SAMD5: variants seen among roughly 807,000 people sequenced by gnomAD.
SAMD5 encodes sterile alpha motif domain-containing protein 5.
A neutral mutation model predicts 11.3 loss-of-function variants in SAMD5; 13 were observed. The ratio of observed to expected loss-of-function variants is 1.15; its 90% CI spans 0.75 to 1.83. SAMD5 has a LOEUF of 1.83. Ranked by LOEUF, SAMD5 falls within the 40% of genes most tolerant of loss-of-function variation. The pLI, the probability that SAMD5 is intolerant of heterozygous loss-of-function variation, is 0.00. For synonymous variants in SAMD5, 129 were observed against 111.3 expected (o/e 1.16, Z -1.00); for missense variants, 255 against 239.1 (o/e 1.07, Z -0.44).
intron 1 of SAMD5, among the ~76,000 whole-genome samples, chr6:147,726,950 T>G (rs187822749): frequency 1.3e-3 from 197 of 152,304 alleles, no homozygotes; most frequent in Non-Finnish European, 9.0e-4. Context: ...TCAGTTGGCC[T>G]CCATAATTCC....
chr6:147,866,640 T>G, the SAMD5 span, among the ~76,000 whole-genome samples: 1 of 152,174 alleles, frequency 6.6e-6, no homozygotes, highest in Non-Finnish European at 1.5e-5. Context: ...AGAAAACAAA[T>G]GTTATGAAAA....
At chr6:147,940,057 G>T in the SAMD5 span, among the ~76,000 whole-genome samples, 2 of 152,050 alleles carry the variant, frequency 1.3e-5, no homozygotes, top group East Asian at 1.9e-4. Flanking sequence ...CACCTGCAAA[G>T]CCCAGAGGTT....
At chr6:147,841,736 A>C in the SAMD5 span, among the ~76,000 whole-genome samples, 1 of 133,424 alleles carries the variant, frequency 7.5e-6, no homozygotes, top group Non-Finnish European at 1.6e-5. Flanking sequence ...GAGTGTGGTA[A>C]AATGGTCCAA....
intron 1 of SAMD5, among the ~76,000 whole-genome samples, chr6:147,599,643 G>A (rs138345699): frequency 6.6e-6 from 1 of 152,216 alleles, no homozygotes; most frequent in Non-Finnish European, 1.5e-5. Flanking sequence ...TTTCTTTCCT[G>A]AGTTAGAATT....
At chr6:147,899,794 A>G in the SAMD5 span, among the ~76,000 whole-genome samples, 2 of 152,232 alleles carry the variant, frequency 1.3e-5, no homozygotes, top group African/African-American at 4.8e-5. Context: ...TACACAGACC[A>G]AAGGCTTGTA....
In SAMD5 at chr6:147,569,836, T is replaced by C; in HGVS notation, c.*5380T>C. On this transcript the variant is annotated 3_prime_UTR_variant, in exon 2 of 2. Transcript: ENST00000367474. ...AATTGAAAGCAGCAGTTTGGTTTTG[T>C]AAATGTAATTGCAATTGACACTTTC... The C allele has an allele frequency of 1.0e-6, 1 of 985,108 alleles. No individual in the cohort carries two copies. Among genetic ancestry groups the C allele is most frequent in the Non-Finnish European group, 1.2e-6 (1 of 829,626 alleles). The allele number at this position is 985,108 out of a possible 1,614,324, so 61.0% of individuals were successfully genotyped here.
chr6:147,730,108 A>C, intron 1 of SAMD5: 3 of 437,332 alleles, frequency 6.9e-6, no homozygotes, highest in Middle Eastern at 3.4e-4. Flanking sequence ...GAAAAAAAGA[A>C]AAGGAAATGG....
intron 1 of SAMD5, among the ~76,000 whole-genome samples, chr6:147,531,257 A>T (rs1234333515): frequency 6.6e-6 from 1 of 151,996 alleles, no homozygotes; most frequent in African/African-American, 2.4e-5. Flanking sequence ...AAAATATTTT[A>T]ATCCTGTTTA....
the SAMD5 span, among the ~76,000 whole-genome samples, chr6:147,771,198 A>G: frequency 6.6e-6 from 1 of 152,226 alleles, no homozygotes; most frequent in African/African-American, 2.4e-5. Flanking sequence ...GCAACTCCAT[A>G]AGAAACACAT....
chr6:147,850,709 A>G, the SAMD5 span, among the ~76,000 whole-genome samples: 5 of 152,126 alleles, frequency 3.3e-5, no homozygotes, highest in African/African-American at 1.2e-4. Flanking sequence ...TACGTTTATA[A>G]CATTCAAATC....
the SAMD5 span, among the ~76,000 whole-genome samples, chr6:147,797,290 T>C: frequency 6.9e-6 from 1 of 145,396 alleles, no homozygotes; most frequent in Admixed American, 6.9e-5. Context: ...GTTGTTGAAT[T>C]TTGTCAAAGG....
In SAMD5 at chr6:147,667,255, T is replaced by A. The variant is rs1790735854; in HGVS notation, c.163-70062T>A. 2.0e-5 allele frequency among the ~76,000 whole-genome samples: 3 copies of A among 152,192 alleles called. No individual in the cohort carries two copies. The South Asian group carries it at 6.2e-4, about 32-fold the overall frequency. On this transcript the variant is annotated intron_variant, in intron 1 of 1. Transcript: ENST00000566741. ...GGAATTTTGCACTTATTAGGTAAGG[T>A]GTTATTGTTGTTGTTTAATTTGAAT...
rs151061917 is a variant in SAMD5, at chr6:147,614,851, G to A, written c.162+105464G>A. 2.7e-3 allele frequency among the ~76,000 whole-genome samples: 416 copies of A among 151,970 alleles called. 8 individuals carry two copies. Among genetic ancestry groups the A allele is most frequent in the African/African-American group, 9.4e-3 (388 of 41,298 alleles). ...ACCATAGAGTTGGCCCTCTGTATTC[G>A]AAGTTTCTGTGTCCGTGGATTCAAC... On this transcript the variant is annotated intron_variant, in intron 1 of 1. Transcript: ENST00000566741.
intron 1 of SAMD5, among the ~76,000 whole-genome samples, chr6:147,657,776 A>T (rs1425948049): frequency 1.3e-5 from 2 of 152,112 alleles, no homozygotes; most frequent in Non-Finnish European, 2.9e-5. Context: ...AGTTTCTTTT[A>T]TATGGGCATC....
At chr6:147,517,178 T>A (rs950175480) in intron 1 of SAMD5, among the ~76,000 whole-genome samples, 3 of 152,156 alleles carry the variant, frequency 2.0e-5, no homozygotes, top group Non-Finnish European at 2.9e-5. Context: ...TGGACAACAA[T>A]GATGTCTTGT....
At chr6:147,888,189 T>C in the SAMD5 span, among the ~76,000 whole-genome samples, 1 of 152,168 alleles carries the variant, frequency 6.6e-6, no homozygotes, top group Non-Finnish European at 1.5e-5. Flanking sequence ...TTATAGATCA[T>C]GCTTTTGGCA....
At chr6:147,622,310 C>G (rs559292735) in intron 1 of SAMD5, among the ~76,000 whole-genome samples, 2 of 152,142 alleles carry the variant, frequency 1.3e-5, no homozygotes, top group Non-Finnish European at 2.9e-5. Context: ...AGTGCAGATG[C>G]TATGTAAAGT....
chr6:147,595,412 C>T (rs1235182036), intron 1 of SAMD5, among the ~76,000 whole-genome samples: 1 of 152,044 alleles, frequency 6.6e-6, no homozygotes, highest in Non-Finnish European at 1.5e-5. Flanking sequence ...TTAATTATAA[C>T]CTGGCTCTTC....
At chr6:147,694,125 G>A (rs1791142531) in intron 1 of SAMD5, among the ~76,000 whole-genome samples, 1 of 152,202 alleles carries the variant, frequency 6.6e-6, no homozygotes, top group Non-Finnish European at 1.5e-5. Context: ...ATAGTGTGGA[G>A]TTGGTTCCTC....
Sources: gnomAD v4.1 joint callset for allele counts (sites outside exome capture counted in the v4.1 genomes callset) on GRCh38, gnomAD v4.1.1 for gene constraint, MANE v1.5 for transcripts, NCBI Gene and HGNC (gene_info 2026-07-23, HGNC 2026-07-21) for gene names.